EP300: variants seen among roughly 807,000 people sequenced by gnomAD.
The protein encoded by EP300 is histone acetyltransferase p300.
In EP300, 31 loss-of-function variants were observed where a neutral mutation model predicts 264.0. That is an observed-to-expected ratio of 0.12 (90% CI 0.09 to 0.16). The LOEUF (loss-of-function observed/expected upper bound fraction) is 0.16, where lower values mean the gene tolerates loss of function less well. Among genes scored for constraint, EP300 ranks in the 10% least tolerant of loss-of-function variants. The pLI is 1.00. For synonymous variants in EP300, 1,340 were observed against 1,045.4 expected, an observed-to-expected ratio of 1.28 and a Z score of -5.44; for missense variants, 2,766 against 3,052.9, an observed-to-expected ratio of 0.91 and a Z score of 2.21.
intron 1 of EP300, among the ~76,000 whole-genome samples, chr22:41,110,948 A>G (rs1165255970): frequency 6.8e-6 from 1 of 146,238 alleles, no homozygotes; most frequent in Non-Finnish European, 1.5e-5. Flanking sequence ...GTTTTTCCCT[A>G]TGTTATAAAT....
At chr22:41,122,757 T>A (rs964273930) in intron 2 of EP300, among the ~76,000 whole-genome samples, 11 of 152,090 alleles carry the variant, frequency 7.2e-5, no homozygotes, top group African/African-American at 2.4e-4. Flanking sequence ...TGCATATGAT[T>A]TAAAGAACGA....
chr22:41,122,001 A>T (rs1380650491), intron 2 of EP300, among the ~76,000 whole-genome samples: 1 of 151,858 alleles, frequency 6.6e-6, no homozygotes, highest in Non-Finnish European at 1.5e-5. Flanking sequence ...CTAGTAGTTT[A>T]AAAAAAACAT....
intron 1 of EP300, among the ~76,000 whole-genome samples, chr22:41,096,420 T>A (rs1407972051): frequency 6.6e-6 from 1 of 152,046 alleles, no homozygotes; most frequent in Non-Finnish European, 1.5e-5. Flanking sequence ...TGGCATATAA[T>A]TAAGTAGGGT....
chr22:41,150,257 C>T, intron 14 of EP300, 59 bp downstream of exon 14: 3 of 1,505,434 alleles, frequency 2.0e-6, no homozygotes, highest in Admixed American at 3.9e-5. Flanking sequence ...TATTATATTA[C>T]TTCTGGGCCA....
intron 1 of EP300, among the ~76,000 whole-genome samples, chr22:41,107,218 C>T (rs1180393818): frequency 1.3e-5 from 2 of 152,060 alleles, no homozygotes; most frequent in Non-Finnish European, 2.9e-5. Context: ...TTTAATGCCA[C>T]AGAGAAAGCC....
chr22:41,157,109 C>T, intron 17 of EP300, 60 bp from the exon 18 acceptor site: 2 of 1,604,502 alleles, frequency 1.2e-6, no homozygotes, highest in Non-Finnish European at 1.7e-6. Flanking sequence ...ATGGATGATA[C>T]TCCATCTCCC....
chr22:41,133,162 C>G (rs554741786), intron 6 of EP300, among the ~76,000 whole-genome samples: 1 of 129,882 alleles, frequency 7.7e-6, no homozygotes. Flanking sequence ...TCCCCCCCCC[C>G]ACCCCCACCC....
intron 27 of EP300, among the ~76,000 whole-genome samples, chr22:41,170,853 C>A (rs112994812): frequency 1.3e-5 from 2 of 150,934 alleles, no homozygotes; most frequent in South Asian, 2.1e-4. Flanking sequence ...TTAGTAGAGA[C>A]GGGGTTTCAC....
At position 41,102,320 on chromosome 22, in the gene EP300, C is replaced by T. The variant is rs548672142; in HGVS notation, c.94+9222C>T. On this transcript the variant is annotated intron_variant, in intron 1 of 30. Transcript: ENST00000263253. The stretch of plus-strand genomic sequence containing the variant: ...GTATATAGTGGGAGGAACAGGAGAA[C>T]CTAACCCAGTAGTTATCCTGGTGGC... Among the ~76,000 whole-genome samples the T allele has an allele frequency of 1.3e-3, 203 of 152,188 alleles. 3 individuals carry two copies. The South Asian group carries it at 0.041, about 31-fold the overall frequency.
At chr22:41,123,720 A>G (rs1230825260) in intron 2 of EP300, among the ~76,000 whole-genome samples, 2 of 151,076 alleles carry the variant, frequency 1.3e-5, no homozygotes, top group African/African-American at 4.8e-5. Context: ...TTGGGATCCT[A>G]TGTGTAATTT....
chr22:41,132,871 A>T (rs1457047663), intron 6 of EP300, among the ~76,000 whole-genome samples: 1 of 152,192 alleles, frequency 6.6e-6, no homozygotes, highest in Non-Finnish European at 1.5e-5. Flanking sequence ...ATTGCATATG[A>T]TAACATTGGA....
intron 1 of EP300, among the ~76,000 whole-genome samples, chr22:41,107,759 G>A (rs1298511193): frequency 6.6e-6 from 1 of 152,086 alleles, no homozygotes; most frequent in Non-Finnish European, 1.5e-5. Flanking sequence ...GGAGTGCATT[G>A]GTGCAGTCTC....
chr22:41,164,153 T>C (rs753640157), intron 22 of EP300, 23 bp downstream of exon 22: 4 of 1,609,138 alleles, frequency 2.5e-6, no homozygotes, highest in South Asian at 1.1e-5. Flanking sequence ...GTTGTTACTT[T>C]CTCTGGAATT....
At chr22:41,118,425 C>T (rs2058833260) in intron 2 of EP300, among the ~76,000 whole-genome samples, 1 of 152,174 alleles carries the variant, frequency 6.6e-6, no homozygotes, top group Non-Finnish European at 1.5e-5. Flanking sequence ...ATAAATAAGG[C>T]ATAATCACAC....
intron 18 of EP300, among the ~76,000 whole-genome samples, chr22:41,157,693 ATTTGT>A (rs916636245): frequency 6.6e-5 from 10 of 151,316 alleles, no homozygotes; most frequent in African/African-American, 2.4e-4. Context: ...GATTTTTTAA[ATTTGT>A]TTTGTAGAAA....
At chr22:41,163,703 C>T (rs1409199784) in intron 21 of EP300, among the ~76,000 whole-genome samples, 7 of 152,016 alleles carry the variant, frequency 4.6e-5, no homozygotes, top group East Asian at 3.9e-4. Flanking sequence ...GCTGATATGA[C>T]GCCACTGCAC....
chr22:41,178,311 A>G lies in EP300; in HGVS notation c.6600A>G (p.Gly2200=), dbSNP rs751169831. ...QQQQQQGAGP[G]IGPGMANHNQ... is the part of the protein sequence containing the mutation. ...AGCAGCAACAGGGAGCAGGGCCAGGAATAGGCCCTGGAATGGCCAACCATA... is the reference window on the plus strand; with the variant it reads ...AGCAGCAACAGGGAGCAGGGCCAGGGATAGGCCCTGGAATGGCCAACCATA... Residue 2200 remains glycine (G), a synonymous_variant, in exon 31 of 31, where the codon GGA becomes GGG. Coordinates refer to ENST00000263253, the MANE Select transcript of EP300 (RefSeq NM_001429.4). 3.7e-6 allele frequency: 6 copies of G among 1,614,162 alleles called. No homozygotes were observed. Among genetic ancestry groups the G allele is most frequent in the Non-Finnish European group, 4.2e-6 (5 of 1,180,018 alleles).
rs2145741254 is a variant in EP300 at position 41,152,368 on chromosome 22, T to C, written c.3142+18T>C. On this transcript the variant is annotated intron_variant, in intron 16 of 30. Coordinates refer to ENST00000263253, the MANE Select transcript of EP300 (RefSeq NM_001429.4). ...GAAAAAGAGTGAGTCTCTGAAGCCA[T>C]TCGTTCTGGAGGTAGCTGAAGAAAC... 1.9e-6 allele frequency: 3 copies of C among 1,608,630 alleles called. No individual in the cohort carries two copies. The highest frequency in any genetic ancestry group is 2.5e-6 in the Non-Finnish European group (3 of 1,176,996).
Position 41,176,548 on chromosome 22 carries a change from A to G in EP300, c.5061+20A>G. 6.2e-7 allele frequency: 1 copy of G among 1,613,312 alleles called. No homozygotes were observed. The highest frequency in any genetic ancestry group is 8.5e-7 in the Non-Finnish European group (1 of 1,179,926). On this transcript the variant is annotated intron_variant, in intron 30 of 30. Coordinates refer to ENST00000263253, the MANE Select transcript of EP300 (RefSeq NM_001429.4). ...TGTGAGGTAGGCACCGGGTTGTGGG[A>G]AGGAGGAGGTGAGCTCCGCAGGGTT...
Sources: gnomAD v4.1 joint callset for allele counts (sites outside exome capture counted in the v4.1 genomes callset) on GRCh38, gnomAD v4.1.1 for gene constraint, MANE v1.5 for transcripts, NCBI Gene and HGNC (gene_info 2026-07-23, HGNC 2026-07-21) for gene names.